The following ATG10 variants were observed in gnomAD, a reference collection of about 807,000 sequenced individuals.
ATG10 encodes the protein autophagy related 10, also known as ubiquitin-like-conjugating enzyme ATG10.
In ATG10, 30 loss-of-function variants were observed where a neutral mutation model predicts 32.1. That is an observed-to-expected ratio of 0.94 (90% CI 0.70 to 1.27). The LOEUF (loss-of-function observed/expected upper bound fraction) is 1.27. ATG10 is among the 50% of genes most tolerant of loss of function. The probability of loss-of-function intolerance (pLI) is 0.00; values close to 1 mark genes in which losing one functional copy is unlikely to be tolerated. For missense variants in ATG10, 233 were observed against 262.3 expected (o/e 0.89, Z 0.77); for synonymous variants, 87 against 91.5 (o/e 0.95, Z 0.28).
At position 82,015,104 on chromosome 5, in the gene ATG10, A is replaced by G. The variant is rs539122635; in HGVS notation, c.108+27426A>G. 7.2e-5 allele frequency among the ~76,000 whole-genome samples: 11 copies of G among 152,206 alleles called. No individual in the cohort carries two copies. In the East Asian group the frequency reaches 1.9e-3, roughly 27 times the overall value. Reference sequence around the variant, plus strand: ...CTTATGAAGCTTAGTTTGGCTGGATATGTGATTCTGGGTTGGAAATTCTCT... The same window carrying G: ...CTTATGAAGCTTAGTTTGGCTGGATGTGTGATTCTGGGTTGGAAATTCTCT... On this transcript the variant is annotated intron_variant, in intron 2 of 7. Coordinates refer to ENST00000282185, the MANE Select transcript of ATG10 (RefSeq NM_031482.5).
At chr5:82,141,706 A>G (rs1343098707) in intron 3 of ATG10, among the ~76,000 whole-genome samples, 2 of 152,158 alleles carry the variant, frequency 1.3e-5, no homozygotes, top group Non-Finnish European at 2.9e-5. Flanking sequence ...GGATTTAGGA[A>G]TTTTGTTCCT....
chr5:82,009,314 T>A (rs1326912218), intron 2 of ATG10, among the ~76,000 whole-genome samples: 1 of 152,184 alleles, frequency 6.6e-6, no homozygotes, highest in Non-Finnish European at 1.5e-5. Flanking sequence ...TAAGGTAATT[T>A]GCCTATATCC....
rs1010184666 is a variant in ATG10, at chr5:82,254,410, T to G, written c.*347T>G. On this transcript the variant is annotated 3_prime_UTR_variant, in exon 8 of 8. Transcript: ENST00000282185. The stretch of plus-strand genomic sequence containing the variant: ...TGTCGGTACAAAAAAATACAAAAAT[T>G]TGCCTGTTTATGGTGGTGTGTTCCT... 1.3e-5 allele frequency: 2 copies of G among 151,874 alleles called. No homozygotes were observed. The highest frequency in any genetic ancestry group is 4.8e-5 in the African/African-American group (2 of 41,318). The allele number at this position is 151,874 out of a possible 1,614,324, so 9.4% of individuals were successfully genotyped here. A position where few individuals can be genotyped will look rare whatever the true frequency, so the allele number is the denominator to read the frequency against.
At chr5:82,095,474 T>C (rs1195239253) in intron 3 of ATG10, among the ~76,000 whole-genome samples, 1 of 152,222 alleles carries the variant, frequency 6.6e-6, no homozygotes, top group Non-Finnish European at 1.5e-5. Flanking sequence ...GATTATGGGA[T>C]GAGTTTATTA....
chr5:82,003,189 T>G lies in ATG10; in HGVS notation c.108+15511T>G, dbSNP rs553361767. Among the ~76,000 whole-genome samples, 3 of 152,350 alleles carry G rather than the reference T, an allele frequency of 2.0e-5. No individual in the cohort carries two copies. In the East Asian group the frequency reaches 5.8e-4, roughly 29 times the overall value. ...TCATCAGGAGCCAAGATTTACAATG[T>G]AAGATAAAAGTGATTAGTAGAAAAT... On this transcript the variant is annotated intron_variant, in intron 2 of 7. Coordinates refer to ENST00000282185, the MANE Select transcript of ATG10 (RefSeq NM_031482.5).
chr5:82,091,575 G>A (rs1016335921), intron 3 of ATG10, among the ~76,000 whole-genome samples: 3 of 152,066 alleles, frequency 2.0e-5, no homozygotes, highest in African/African-American at 7.2e-5. Context: ...TTTTGGTAGC[G>A]AGATCAGATT....
intron 2 of ATG10, among the ~76,000 whole-genome samples, chr5:82,049,774 A>G (rs1043935563): frequency 6.6e-6 from 1 of 152,170 alleles, no homozygotes; most frequent in Non-Finnish European, 1.5e-5. Context: ...GTAAGAAAAT[A>G]AAAACAAAAA....
chr5:82,227,715 T>C (rs1746190472), intron 5 of ATG10, among the ~76,000 whole-genome samples: 1 of 152,106 alleles, frequency 6.6e-6, no homozygotes, highest in South Asian at 2.1e-4. Flanking sequence ...AGGGTAGTGG[T>C]TAAGTACTTG....
At chr5:82,190,773 CAAAAAAAAAAAAAAAAAAA>C (rs35513819) in intron 5 of ATG10, among the ~76,000 whole-genome samples, 1 of 53,654 alleles carries the variant, frequency 1.9e-5, no homozygotes, top group Non-Finnish European at 3.3e-5. Context: ...GACTCCATCT[CAAAAAAAAAAAAAAAAAAA>C]AAAAAAAAAA....
intron 3 of ATG10, among the ~76,000 whole-genome samples, chr5:82,129,097 A>G (rs1766401912): frequency 6.6e-6 from 1 of 151,012 alleles, no homozygotes; most frequent in Non-Finnish European, 1.5e-5. Context: ...CCTTAAGTTG[A>G]TCTTCAATCT....
intron 5 of ATG10, among the ~76,000 whole-genome samples, chr5:82,229,323 A>G (rs1238917741): frequency 1.3e-5 from 2 of 152,214 alleles, no homozygotes; most frequent in South Asian, 2.1e-4. Context: ...CATGCTAGAA[A>G]GGAACTATTT....
chr5:82,186,923 T>G (rs1744469777), intron 5 of ATG10, among the ~76,000 whole-genome samples: 1 of 152,134 alleles, frequency 6.6e-6, no homozygotes, highest in Non-Finnish European at 1.5e-5. Context: ...TTACTGTCAT[T>G]CATACTCCAT....
chr5:82,173,573 G>T (rs2149914706), intron 4 of ATG10, among the ~76,000 whole-genome samples: 1 of 152,218 alleles, frequency 6.6e-6, no homozygotes, highest in African/African-American at 2.4e-5. Flanking sequence ...TTATATAAAT[G>T]ACCTCAATTT....
intron 3 of ATG10, among the ~76,000 whole-genome samples, chr5:82,091,591 T>A (rs1764888185): frequency 6.6e-6 from 1 of 152,216 alleles, no homozygotes; most frequent in African/African-American, 2.4e-5. Flanking sequence ...AGATTTAATC[T>A]TACTATTATA....
intron 5 of ATG10, among the ~76,000 whole-genome samples, chr5:82,230,068 A>G (rs1746294281): frequency 6.6e-6 from 1 of 152,188 alleles, no homozygotes; most frequent in Admixed American, 6.5e-5. Flanking sequence ...CCGAGCCCTA[A>G]CCCTTTGCAT....
rs377322229 is a variant in ATG10 at position 82,060,855 on chromosome 5, A to G, written c.216+2253A>G. On this transcript the variant is annotated intron_variant, in intron 3 of 7. Transcript: ENST00000282185. ...TGACAGAGTGAGACCTTGTCTGGGA[A>G]AAAAAAAAAAGTTCATGTTAAGTGA... 2.3e-3 allele frequency among the ~76,000 whole-genome samples: 352 copies of G among 150,636 alleles called. 1 individual carries two copies. The highest frequency in any genetic ancestry group is 8.2e-3 in the African/African-American group (336 of 41,226).
chr5:82,246,196 A>G (rs1006923051), intron 5 of ATG10, among the ~76,000 whole-genome samples: 58 of 150,976 alleles, frequency 3.8e-4, no homozygotes, highest in Admixed American at 3.3e-4. Flanking sequence ...TCAGCCTCCC[A>G]AGTATCTGGG....
intron 3 of ATG10, among the ~76,000 whole-genome samples, chr5:82,142,718 A>C (rs1767203639): frequency 6.6e-6 from 1 of 152,174 alleles, no homozygotes; most frequent in African/African-American, 2.4e-5. Flanking sequence ...CAGTAAGGAC[A>C]CCATTTTAAT....
At chr5:81,989,651 T>G (rs1442784992) in intron 2 of ATG10, among the ~76,000 whole-genome samples, 1 of 151,874 alleles carries the variant, frequency 6.6e-6, no homozygotes, top group Non-Finnish European at 1.5e-5. Flanking sequence ...CAGGCTGGAG[T>G]GCAGTGGCAC....
Sources: allele counts gnomAD v4.1 joint callset (sites outside exome capture counted in the v4.1 genomes callset), GRCh38; gene constraint gnomAD v4.1.1; transcripts MANE v1.5; gene names NCBI Gene and HGNC (gene_info 2026-07-23, HGNC 2026-07-21).